Variants in C1orf105 observed in about 807,000 individuals in gnomAD.
C1orf105 encodes chromosome 1 open reading frame 105.
Under a neutral mutation model 20.8 loss-of-function variants are expected in C1orf105, and 17 were observed. The ratio of observed to expected loss-of-function variants is 0.82; its 90% confidence interval spans 0.56 to 1.23. The LOEUF is 1.23. Among genes scored for constraint, C1orf105 ranks in the 50% most tolerant of loss-of-function variants. C1orf105 has a pLI of 0.00. For synonymous variants in C1orf105, 72 were observed against 72.1 expected, an observed-to-expected ratio of 1.00 and a Z score of 0.01; for missense variants, 219 against 213.5, an observed-to-expected ratio of 1.03 and a Z score of -0.16.
chr1:172,440,838 T>A (rs1647230949), intron 1 of C1orf105, among the ~76,000 whole-genome samples: 1 of 152,238 alleles, frequency 6.6e-6, no homozygotes, highest in Admixed American at 6.5e-5. Context: ...TAGAATCCTA[T>A]CTGGAATTCT....
At chr1:172,442,056 C>T (rs1647367473) in intron 1 of C1orf105, 1 of 1,614,154 alleles carries the variant, frequency 6.2e-7, no homozygotes, top group African/African-American at 1.3e-5. Flanking sequence ...GACGTGATGC[C>T]AAGCATACAG....
rs369050967 is a variant in C1orf105 at position 172,445,193 on chromosome 1, G to A, written c.107+35G>A. 50 of 1,501,194 alleles carry A rather than the reference G, an allele frequency of 3.3e-5. 1 individual carries two copies. The highest frequency in any genetic ancestry group is 2.2e-4 in the African/African-American group (16 of 72,186). 93.0% of individuals were successfully genotyped at this position (1,501,194 alleles called of 1,614,324 possible). On this transcript the variant is annotated intron_variant, in intron 2 of 6. Transcript: ENST00000367727. ...CAGCCACCGAGGGCAAAAGTTTTAC[G>A]AAACATCTCACAGAAGATGATTTCT... is the stretch of plus-strand genomic sequence containing the variant.
chr1:172,454,640 T>C (rs952976309), intron 3 of C1orf105, among the ~76,000 whole-genome samples: 3 of 152,088 alleles, frequency 2.0e-5, no homozygotes, highest in African/African-American at 7.2e-5. Context: ...TGTATAGTGT[T>C]TCCTGGGCTT....
intron 1 of C1orf105, chr1:172,431,009 TG>T: frequency 1.7e-6 from 1 of 587,760 alleles, no homozygotes; most frequent in African/African-American, 1.9e-5. Flanking sequence ...GTGTTCTGAC[TG>T]CTCCACTGAC....
chr1:172,462,382 T>C, intron 5 of C1orf105, 137 bp downstream of exon 5: 1 of 595,596 alleles, frequency 1.7e-6, no homozygotes, highest in Non-Finnish European at 2.8e-6. Context: ...GTTTTATTTT[T>C]AGGTTAAACC....
At chr1:172,465,404 A>G (rs1210618335) in intron 6 of C1orf105, 41 bp downstream of exon 6, 2 of 1,402,158 alleles carry the variant, frequency 1.4e-6, no homozygotes, top group East Asian at 2.3e-5. Flanking sequence ...GAAACACACT[A>G]GAAAAAAATG....
intron 3 of C1orf105, chr1:172,453,183 G>A (rs774485923): frequency 6.4e-7 from 1 of 1,551,010 alleles, no homozygotes; most frequent in Non-Finnish European, 8.7e-7. Flanking sequence ...CTGATAGCAA[G>A]TCTGAGGTAG....
chr1:172,453,154 C>A (rs1275396060), intron 3 of C1orf105: 6 of 1,551,070 alleles, frequency 3.9e-6, no homozygotes, highest in Non-Finnish European at 1.7e-6. Context: ...AGCAGCTCTT[C>A]TTGGAGGCCA....
In C1orf105 at chr1:172,461,849, G is replaced by A. The variant is rs114233374; in HGVS notation, c.274-329G>A. Among the ~76,000 whole-genome samples the A allele has an allele frequency of 6.7e-3, 1,024 of 152,254 alleles. 15 individuals are homozygous for A. The highest frequency in any genetic ancestry group is 0.023 in the African/African-American group (973 of 41,540). On this transcript the variant is annotated intron_variant, in intron 4 of 6. Transcript: ENST00000367727. ...TAAGAACATAGAGCGGAGGACTACCGAACAGTAGTCCCGGAGTCAGCAGTC... is the reference window on the plus strand; with the variant it reads ...TAAGAACATAGAGCGGAGGACTACCAAACAGTAGTCCCGGAGTCAGCAGTC...
chr1:172,437,187 A>G (rs1038760032), intron 1 of C1orf105, among the ~76,000 whole-genome samples: 5 of 152,202 alleles, frequency 3.3e-5, no homozygotes, highest in African/African-American at 9.7e-5. Context: ...CGATTCCTCA[A>G]GGATTTAGAG....
At chr1:172,423,519 G>A (rs993893774) in intron 1 of C1orf105, among the ~76,000 whole-genome samples, 8 of 151,614 alleles carry the variant, frequency 5.3e-5, no homozygotes, top group Non-Finnish European at 8.8e-5. Flanking sequence ...AAAACATTCC[G>A]AAGAAGGACA....
At chr1:172,438,896 C>A (rs2072127232) in intron 1 of C1orf105, among the ~76,000 whole-genome samples, 2 of 152,162 alleles carry the variant, frequency 1.3e-5, no homozygotes, top group African/African-American at 4.8e-5. Context: ...CCCTCATCAG[C>A]AAAAAGATTC....
At position 172,462,096 on chromosome 1, in the gene C1orf105, C is replaced by T. The variant is rs113963733; in HGVS notation, c.274-82C>T. On this transcript the variant is annotated intron_variant, in intron 4 of 6. Coordinates refer to ENST00000367727, the MANE Select transcript of C1orf105 (RefSeq NM_139240.4). The stretch of plus-strand genomic sequence containing the variant: ...AAGGACTTTGACATCAAATACAACA[C>T]AAATTCACTAAAGTGGTACATTATT... 1.2e-3 allele frequency: 1,249 copies of T among 1,057,434 alleles called. 14 individuals carry two copies. The African/African-American group carries it at 0.017, about 14-fold the overall frequency. The allele number at this position is 1,057,434 out of a possible 1,614,324, so 65.5% of individuals were successfully genotyped here. A position where few individuals can be genotyped will look rare whatever the true frequency, so the allele number is the denominator to read the frequency against.
intron 1 of C1orf105, among the ~76,000 whole-genome samples, chr1:172,440,193 C>G (rs60183720): frequency 0.11 from 16,297 of 152,138 alleles, 2,940 homozygotes; most frequent in African/African-American, 0.37. Flanking sequence ...AACAAAATTT[C>G]TGATTTGAAA....
chr1:172,456,913 C>T (rs371447105), intron 4 of C1orf105, among the ~76,000 whole-genome samples: 2 of 152,140 alleles, frequency 1.3e-5, no homozygotes, highest in Non-Finnish European at 2.9e-5. Context: ...TTAGGTAGCA[C>T]CTCAAGAGAA....
At chr1:172,451,112 C>T (rs1393541862) in intron 3 of C1orf105, 2 of 152,356 alleles carry the variant, frequency 1.3e-5, no homozygotes, top group South Asian at 2.1e-4. Flanking sequence ...GGCAAAGGAA[C>T]AGCAGGTGTG....
At chr1:172,428,482 C>G (rs2071779983) in intron 1 of C1orf105, among the ~76,000 whole-genome samples, 1 of 152,198 alleles carries the variant, frequency 6.6e-6, no homozygotes, top group South Asian at 2.1e-4. Flanking sequence ...TTCAGCCACT[C>G]CTTGCTATTC....
chr1:172,455,172 A>G (rs1649101300), intron 3 of C1orf105, among the ~76,000 whole-genome samples: 1 of 152,142 alleles, frequency 6.6e-6, no homozygotes, highest in Non-Finnish European at 1.5e-5. Flanking sequence ...ATGTTTCTCA[A>G]AAGAATCCAA....
intron 1 of C1orf105, chr1:172,441,523 C>T: frequency 2.3e-6 from 1 of 426,412 alleles, no homozygotes; most frequent in Non-Finnish European, 4.1e-6. Flanking sequence ...TTCAAGAGGT[C>T]CCCAGAAAGT....
Sources: allele counts gnomAD v4.1 joint callset (sites outside exome capture counted in the v4.1 genomes callset), GRCh38; gene constraint gnomAD v4.1.1; transcripts MANE v1.5; gene names NCBI Gene and HGNC (gene_info 2026-07-23, HGNC 2026-07-21).